Variants in RAB9A observed in about 807,000 individuals in gnomAD.
The protein encoded by RAB9A is RAB9A, member RAS oncogene family.
A neutral mutation model predicts 10.3 loss-of-function variants in RAB9A; 1 was observed. The ratio of observed to expected loss-of-function variants is 0.10; its 90% CI spans 0.03 to 0.46. RAB9A has a LOEUF of 0.46. Among genes scored for constraint, RAB9A ranks in the 20% least tolerant of loss-of-function variants. RAB9A has a pLI of 0.96. For synonymous variants in RAB9A, 39 were observed against 55.2 expected, an observed-to-expected ratio of 0.71 and a Z score of 1.30; for missense variants, 92 against 150.3, an observed-to-expected ratio of 0.61 and a Z score of 2.03.
chrX:13,699,104 T>G (rs1454255124), intron 1 of RAB9A, among the ~76,000 whole-genome samples: 2 of 111,826 alleles, frequency 1.8e-5, no homozygotes, highest in Non-Finnish European at 3.8e-5. Flanking sequence ...TGCTCTCCCT[T>G]TGGCAGCTTA....
Position 13,692,359 on chromosome X carries a change from G to T in RAB9A, c.-116+3071G>T, listed in dbSNP as rs928644945. ...AAACAACTCCACACTCGGCACAGAA[G>T]TACCTGTGTCATGGTGTTTACTGTG... On this transcript the variant is annotated intron_variant, in intron 1 of 2. Coordinates refer to ENST00000464506, the MANE Select transcript of RAB9A (RefSeq NM_004251.5). 2.7e-5 allele frequency among the ~76,000 whole-genome samples: 3 copies of T among 111,781 alleles called. No homozygotes were observed. The Admixed American group carries it at 2.8e-4, about 11-fold the overall frequency.
intron 2 of RAB9A, among the ~76,000 whole-genome samples, chrX:13,704,773 C>G (rs1408844717): frequency 8.2e-5 from 9 of 110,398 alleles, no homozygotes; most frequent in Non-Finnish European, 1.7e-4. Context: ...TGCTACCACG[C>G]CCGGCTAATT....
At position 13,710,132 on chromosome X, in the gene RAB9A, T is replaced by G. The variant is rs2046215303; in HGVS notation, c.*780T>G. 1 of 124,284 alleles carries G rather than the reference T, an allele frequency of 8.0e-6. No individual in the cohort carries two copies. Among genetic ancestry groups the G allele is most frequent in the Admixed American group, 9.4e-5 (1 of 10,674 alleles). 10.2% of individuals were successfully genotyped at this position (124,284 alleles called of 1,213,427 possible). On this transcript the variant is annotated 3_prime_UTR_variant, in exon 3 of 3. Coordinates refer to ENST00000464506, the MANE Select transcript of RAB9A (RefSeq NM_004251.5). ...CTACTGAACTTGGAGAACAGACAAA[T>G]GTGCATTTGATAACTGATGTAATAA... is the stretch of plus-strand genomic sequence containing the variant.
At chrX:13,701,668 C>T (rs916399642) in intron 1 of RAB9A, among the ~76,000 whole-genome samples, 3 of 110,708 alleles carry the variant, frequency 2.7e-5, no homozygotes, top group Non-Finnish European at 5.7e-5. Flanking sequence ...TTAAGAGTGT[C>T]GAGGAAGGGG....
chrX:13,708,332 C>A (rs538450522), intron 2 of RAB9A, among the ~76,000 whole-genome samples: 1,049 of 69,843 alleles, frequency 0.015, 21 homozygotes, highest in South Asian at 0.076. Context: ...AAAAAAAAAA[C>A]AAAACCAAAA....
intron 1 of RAB9A, among the ~76,000 whole-genome samples, chrX:13,691,941 G>C (rs749981240): frequency 1.4e-3 from 149 of 109,317 alleles, no homozygotes; most frequent in African/African-American, 4.8e-3. Context: ...TCCTAGAACA[G>C]AATTTATTGC....
At chrX:13,698,379 A>G (rs2046158310) in intron 1 of RAB9A, among the ~76,000 whole-genome samples, 1 of 109,787 alleles carries the variant, frequency 9.1e-6, no homozygotes. Flanking sequence ...AAGTTCTTTC[A>G]ATAGGGGAGG....
At chrX:13,695,654 TAGCTC>T (rs1233605689) in intron 1 of RAB9A, among the ~76,000 whole-genome samples, 1 of 112,156 alleles carries the variant, frequency 8.9e-6, no homozygotes, top group Non-Finnish European at 1.9e-5. Flanking sequence ...AGAAAATAAT[TAGCTC>T]AGTTTTAGAT....
chrX:13,702,344 AATCAGAC>A (rs1370497129), intron 1 of RAB9A, among the ~76,000 whole-genome samples: 1 of 111,743 alleles, frequency 8.9e-6, no homozygotes, highest in East Asian at 2.8e-4. Flanking sequence ...CCTCCAGCAG[AATCAGAC>A]TTTAGTGAGG....
chrX:13,697,055 C>A (rs1280352264), intron 1 of RAB9A, among the ~76,000 whole-genome samples: 1 of 111,248 alleles, frequency 9.0e-6, no homozygotes, highest in Non-Finnish European at 1.9e-5. Context: ...TTAGGAAATC[C>A]TCACTCCTTG....
chrX:13,696,626 G>A (rs1045552203), intron 1 of RAB9A, among the ~76,000 whole-genome samples: 1 of 112,072 alleles, frequency 8.9e-6, no homozygotes, highest in Non-Finnish European at 1.9e-5. Flanking sequence ...AGGGTTGTAT[G>A]TGCCGTAGGG....
intron 2 of RAB9A, among the ~76,000 whole-genome samples, chrX:13,706,978 T>G (rs1450685235): frequency 8.9e-6 from 1 of 112,304 alleles, no homozygotes; most frequent in African/African-American, 3.2e-5. Context: ...TAACAATTAT[T>G]GTTCATGTCT....
At chrX:13,691,706 A>T (rs1363185823) in intron 1 of RAB9A, among the ~76,000 whole-genome samples, 4 of 104,140 alleles carry the variant, frequency 3.8e-5, no homozygotes, top group Admixed American at 1.0e-4. Context: ...AATTTCTGGT[A>T]GCAGAATCTG....
chrX:13,698,834 A>T (rs1481383460), intron 1 of RAB9A, among the ~76,000 whole-genome samples: 2 of 111,284 alleles, frequency 1.8e-5, no homozygotes, highest in African/African-American at 6.5e-5. Context: ...TAATTTTCAG[A>T]TTATCCATGC....
intron 1 of RAB9A, among the ~76,000 whole-genome samples, chrX:13,699,920 C>A (rs1285410777): frequency 8.9e-6 from 1 of 112,187 alleles, no homozygotes; most frequent in African/African-American, 3.2e-5. Flanking sequence ...TAAAAAAAGT[C>A]TAACTTCAGT....
intron 1 of RAB9A, among the ~76,000 whole-genome samples, chrX:13,694,099 G>T (rs149651868): frequency 0.011 from 1,195 of 111,378 alleles, 20 homozygotes; most frequent in South Asian, 0.046. Context: ...TAGATTTTTG[G>T]GTACAGAAGC....
At chrX:13,706,810 G>A (rs1394535578) in intron 2 of RAB9A, among the ~76,000 whole-genome samples, 3 of 111,455 alleles carry the variant, frequency 2.7e-5, no homozygotes, top group Admixed American at 1.9e-4. Context: ...CCACTACAAG[G>A]TTTTTATCAG....
chrX:13,703,305 A>G (rs6653644), intron 1 of RAB9A, among the ~76,000 whole-genome samples: 33,325 of 110,907 alleles, frequency 0.3, 3,767 homozygotes, highest in Non-Finnish European at 0.34. Flanking sequence ...GACCTTGAGC[A>G]TGTATGTAAC....
chrX:13,706,542 C>A (rs1281145351), intron 2 of RAB9A, among the ~76,000 whole-genome samples: 2 of 109,259 alleles, frequency 1.8e-5, no homozygotes, highest in Non-Finnish European at 3.8e-5. Flanking sequence ...CGCTTGCCAC[C>A]ACGTCCAGCT....
Sources: allele counts gnomAD v4.1 joint callset (sites outside exome capture counted in the v4.1 genomes callset), GRCh38; gene constraint gnomAD v4.1.1; transcripts MANE v1.5; gene names NCBI Gene and HGNC (gene_info 2026-07-23, HGNC 2026-07-21).